ATM: variants seen among roughly 807,000 people sequenced by gnomAD.
ATM encodes ATM serine/threonine kinase.
ATM carries 308 observed loss-of-function variants against 387.0 expected under a neutral mutation model. The ratio of observed to expected loss-of-function variants is 0.80; its 90% CI spans 0.73 to 0.87. The LOEUF (loss-of-function observed/expected upper bound fraction) is 0.87, where lower values mean the gene tolerates loss of function less well. Ranked by LOEUF, ATM falls within the 40% of genes least tolerant of loss-of-function variation. The pLI is 0.00. For missense variants in ATM, 3,312 were observed against 3,560.9 expected, an observed-to-expected ratio of 0.93 and a Z score of 1.78; for synonymous variants, 1,156 against 1,187.3, an observed-to-expected ratio of 0.97 and a Z score of 0.54.
rs2137932221 is a variant in ATM at position 108,365,515 on chromosome 11, G to A, written c.*7G>A. On this transcript the variant is annotated 3_prime_UTR_variant, in exon 63 of 63. Transcript: ENST00000675843. ...ATGGAAAGCTTGGGTGTGATCTTCA[G>A]TATATGAATTACCCTTTCATTCAGC... The A allele has an allele frequency of 6.2e-7, 1 of 1,613,834 alleles. No individual in the cohort carries two copies. The highest frequency in any genetic ancestry group is 8.5e-7 in the Non-Finnish European group (1 of 1,179,846).
intron 26 of ATM, among the ~76,000 whole-genome samples, chr11:108,286,659 T>C (rs1332884336): frequency 1.3e-5 from 2 of 152,156 alleles, no homozygotes; most frequent in Admixed American, 1.3e-4. Flanking sequence ...TCTTGTCCTT[T>C]TGTTACTTGA....
intron 35 of ATM, among the ~76,000 whole-genome samples, chr11:108,302,331 G>C (rs2135922309): frequency 6.6e-6 from 1 of 152,186 alleles, no homozygotes; most frequent in South Asian, 2.1e-4. Flanking sequence ...TAAAGTGACT[G>C]AGAAATACAC....
chr11:108,274,340 T>G (rs2081804672), intron 22 of ATM, among the ~76,000 whole-genome samples: 1 of 105,826 alleles, frequency 9.4e-6, no homozygotes, highest in African/African-American at 3.0e-5. Flanking sequence ...TTTGAAAGGT[T>G]TTTTTTGTGT....
At chr11:108,251,107 TAAAC>T in intron 10 of ATM, 35 bp downstream of exon 10, 1 of 1,612,956 alleles carries the variant, frequency 6.2e-7, no homozygotes, top group Non-Finnish European at 8.5e-7. Context: ...GACTTACAGA[TAAAC>T]ACACACAGAC....
chr11:108,267,148 AT>A, intron 16 of ATM, 22 bp from the exon 17 acceptor site: 1 of 1,613,046 alleles, frequency 6.2e-7, no homozygotes, highest in South Asian at 1.1e-5. Context: ...CATCTTGAAC[AT>A]CTTTGTTTCT....
chr11:108,266,091 C>G (rs1377582823), intron 16 of ATM, among the ~76,000 whole-genome samples: 2 of 151,658 alleles, frequency 1.3e-5, no homozygotes, highest in East Asian at 3.9e-4. Context: ...CCTCAGGGAT[C>G]TAGAACTGGA....
chr11:108,345,951 T>C, intron 58 of ATM, 43 bp downstream of exon 58: 2 of 1,609,400 alleles, frequency 1.2e-6, no homozygotes, highest in Admixed American at 1.7e-5. Context: ...CTTTGTTGTT[T>C]GGCAGGTTTT....
At chr11:108,299,386 C>T (rs879681587) in intron 33 of ATM, 11 of 275,310 alleles carry the variant, frequency 4.0e-5, no homozygotes, top group Non-Finnish European at 6.4e-5. Flanking sequence ...CAGCCTCCGC[C>T]TCCTGGGTTC....
chr11:108,359,358 C>G (rs1291799456), intron 61 of ATM, among the ~76,000 whole-genome samples: 1 of 152,058 alleles, frequency 6.6e-6, no homozygotes, highest in Non-Finnish European at 1.5e-5. Context: ...GAGACTTTAA[C>G]ACCCCACTGT....
intron 31 of ATM, among the ~76,000 whole-genome samples, chr11:108,293,893 A>AT (rs1565464363): frequency 0.015 from 1,478 of 101,424 alleles, 9 homozygotes; most frequent in African/African-American, 0.024. Flanking sequence ...AAAAAAAAAA[A>AT]AATATATATA....
chr11:108,253,149 C>T (rs2080244944), intron 12 of ATM, among the ~76,000 whole-genome samples: 1 of 151,748 alleles, frequency 6.6e-6, no homozygotes, highest in African/African-American at 2.4e-5. Flanking sequence ...GTGACAAGTG[C>T]CAATGAGAAA....
intron 4 of ATM, among the ~76,000 whole-genome samples, chr11:108,232,528 T>C (rs12296088): frequency 0.086 from 697 of 8,090 alleles, 24 homozygotes; most frequent in African/African-American, 0.38. Context: ...ATTTCTCTCC[T>C]TTTTTTTTTT....
chr11:108,337,645 G>A (rs1446129642), intron 56 of ATM, among the ~76,000 whole-genome samples: 1 of 152,120 alleles, frequency 6.6e-6, no homozygotes, highest in Non-Finnish European at 1.5e-5. Flanking sequence ...ACCATCTATT[G>A]ACCTGACTTC....
intron 37 of ATM, among the ~76,000 whole-genome samples, chr11:108,306,187 A>G (rs1388731258): frequency 6.6e-6 from 1 of 152,174 alleles, no homozygotes; most frequent in African/African-American, 2.4e-5. Flanking sequence ...GCAATTACAA[A>G]TCTACTATTT....
intron 56 of ATM, among the ~76,000 whole-genome samples, chr11:108,339,598 CTG>C (rs2087265902): frequency 6.6e-6 from 1 of 152,122 alleles, no homozygotes; most frequent in African/African-American, 2.4e-5. Context: ...AGAGAAAACA[CTG>C]TCATTTGCTT....
rs762304746 is a variant in ATM, at chr11:108,304,802, G to C, written c.5624G>C (p.Arg1875Pro). Residue 1875 changes from arginine (R) to proline (P), a missense_variant, in exon 37 of 63, where the codon CGA becomes CCA. This residue lies in a region of ATM where 1,405 missense variants were observed against 1,604.4 expected (regional missense o/e 0.88). Coordinates refer to ENST00000675843, the MANE Select transcript of ATM (RefSeq NM_000051.4). ...HVQGFFTSCLRHFSQTSRSTT... is the reference protein window; with the variant it reads ...HVQGFFTSCLPHFSQTSRSTT... Reference sequence around the variant, plus strand: ...CAGGGATTTTTCACCAGCTGTCTTCGACACTTCTCGCAAACGAGCCGATCC... The same window carrying C: ...CAGGGATTTTTCACCAGCTGTCTTCCACACTTCTCGCAAACGAGCCGATCC... 4 of 1,613,330 alleles carry C rather than the reference G, an allele frequency of 2.5e-6. No homozygotes were observed. The highest frequency in any genetic ancestry group is 2.7e-5 in the African/African-American group (2 of 74,838).
chr11:108,313,901 TTTA>T (rs377200159), intron 40 of ATM, among the ~76,000 whole-genome samples: 91 of 152,310 alleles, frequency 6.0e-4, no homozygotes, highest in African/African-American at 2.1e-3. Context: ...TGTTTTCATT[TTTA>T]TTTAACTGAG....
At chr11:108,351,226 A>G (rs1051964705) in intron 59 of ATM, among the ~76,000 whole-genome samples, 1 of 152,194 alleles carries the variant, frequency 6.6e-6, no homozygotes, top group Non-Finnish European at 1.5e-5. Flanking sequence ...AGAAATCAGG[A>G]TAGTGGTGAC....
At chr11:108,307,804 A>G in intron 37 of ATM, 93 bp from the exon 38 acceptor site, 6 of 1,162,574 alleles carry the variant, frequency 5.2e-6, no homozygotes, top group South Asian at 3.9e-5. Context: ...CCAGAACCTT[A>G]TAGCATAGTG....
Sources: allele counts gnomAD v4.1 joint callset (sites outside exome capture counted in the v4.1 genomes callset), GRCh38; gene constraint gnomAD v4.1.1; regional missense constraint gnomAD v4.1.1; transcripts MANE v1.5; gene names NCBI Gene and HGNC (gene_info 2026-07-23, HGNC 2026-07-21).